The following IRF2 variants were observed in gnomAD, a reference collection of about 807,000 sequenced individuals.
The protein encoded by IRF2 is interferon regulatory factor 2.
Under a neutral mutation model 40.6 loss-of-function variants are expected in IRF2, and 15 were observed. The observed-to-expected ratio is 0.37, with a 90% CI of 0.25 to 0.57. The LOEUF (loss-of-function observed/expected upper bound fraction) is 0.57, where lower values mean the gene tolerates loss of function less well. Ranked by LOEUF, IRF2 falls within the 20% of genes least tolerant of loss-of-function variation. The pLI is 0.77. For missense variants in IRF2, 317 were observed against 455.7 expected (o/e 0.70, Z 2.77); for synonymous variants, 151 against 165.5 (o/e 0.91, Z 0.67).
intron 5 of IRF2, among the ~76,000 whole-genome samples, chr4:184,411,091 A>T (rs1044412886): frequency 6.9e-6 from 1 of 145,956 alleles, no homozygotes; most frequent in African/African-American, 2.6e-5. Context: ...GGGGTGTCAC[A>T]CTATCACCCA....
At chr4:184,426,383 C>T (rs12499577) in intron 2 of IRF2, among the ~76,000 whole-genome samples, 100,487 of 152,006 alleles carry the variant, frequency 0.66, 33,412 homozygotes, top group South Asian at 0.7. Flanking sequence ...CCCTCGGCTG[C>T]GGCTGCCTAT....
chr4:184,460,689 A>G lies in IRF2; in HGVS notation c.-7+13690T>C, dbSNP rs561809618. On this transcript the variant is annotated intron_variant, in intron 1 of 8. Transcript: ENST00000393593. ...CGCACACACACACACATGCACGCAC[A>G]CACACACATGCACACGCACACACAC... is the stretch of plus-strand genomic sequence containing the variant. Among the ~76,000 whole-genome samples the G allele has an allele frequency of 5.9e-5, 9 of 152,000 alleles. No individual in the cohort carries two copies. The East Asian group carries it at 1.5e-3, about 26-fold the overall frequency.
chr4:184,421,432 T>G (rs1737479012), intron 2 of IRF2, among the ~76,000 whole-genome samples: 1 of 152,166 alleles, frequency 6.6e-6, no homozygotes, highest in African/African-American at 2.4e-5. Context: ...CTGAGTGACA[T>G]TTTATGCTTT....
In IRF2 at chr4:184,431,077, G is replaced by A. The variant is rs374668806; in HGVS notation, c.-6-2007C>T. On this transcript the variant is annotated intron_variant, in intron 1 of 8. Coordinates refer to ENST00000393593, the MANE Select transcript of IRF2 (RefSeq NM_002199.4). ...AACACTCACTGCCAGGCCCAGGCCA[G>A]CTCTGAAGACGGCTCTGAGGGCCTA... Among the ~76,000 whole-genome samples, 12 of 152,346 alleles carry A rather than the reference G, an allele frequency of 7.9e-5. No individual in the cohort carries two copies. In the South Asian group the frequency reaches 1.0e-3, roughly 13 times the overall value.
rs76712518 is a variant in IRF2, at chr4:184,438,521, A to G, written c.-6-9451T>C. ...CCTGGGGTTGAAGGGGTATAAAAAC[A>G]TTGCACTAGGCTGGACTGCCTCCCG... On this transcript the variant is annotated intron_variant, in intron 1 of 8. Coordinates refer to ENST00000393593, the MANE Select transcript of IRF2 (RefSeq NM_002199.4). Among the ~76,000 whole-genome samples the G allele has an allele frequency of 6.7e-3, 1,022 of 152,238 alleles. 29 individuals carry two copies. In the East Asian group the frequency reaches 0.09, roughly 13 times the overall value.
At chr4:184,432,408 A>G (rs559532031) in intron 1 of IRF2, among the ~76,000 whole-genome samples, 15 of 152,244 alleles carry the variant, frequency 9.9e-5, no homozygotes, top group African/African-American at 3.4e-4. Context: ...TTTTTTGGTG[A>G]CTTTGCTGTT....
Position 184,466,128 on chromosome 4 carries a change from G to A in IRF2, c.-7+8251C>T, listed in dbSNP as rs997041965. 2.7e-5 allele frequency among the ~76,000 whole-genome samples: 4 copies of A among 148,724 alleles called. No individual in the cohort carries two copies. The South Asian group carries it at 8.5e-4, about 32-fold the overall frequency. Reference sequence around the variant, plus strand: ...CAAGCTGGTGCGATCTCGGCTCACTGCAACCTCCGCCGCCTGGGTTCAAGC... The same window carrying A: ...CAAGCTGGTGCGATCTCGGCTCACTACAACCTCCGCCGCCTGGGTTCAAGC... On this transcript the variant is annotated intron_variant, in intron 1 of 8. Coordinates refer to ENST00000393593, the MANE Select transcript of IRF2 (RefSeq NM_002199.4).
At chr4:184,404,478 G>A (rs1015217452) in intron 6 of IRF2, among the ~76,000 whole-genome samples, 3 of 152,124 alleles carry the variant, frequency 2.0e-5, no homozygotes, top group Non-Finnish European at 4.4e-5. Flanking sequence ...ATAACTCTGC[G>A]AGATGGGCAG....
rs1038657763 is a variant in IRF2 at position 184,463,661 on chromosome 4, T to A, written c.-7+10718A>T. On this transcript the variant is annotated intron_variant, in intron 1 of 8. Coordinates refer to ENST00000393593, the MANE Select transcript of IRF2 (RefSeq NM_002199.4). ...ACAATATCGTGCATATATATATATT[T>A]TTTTTTTGATGGGCTGTGGTACGGC... is the stretch of plus-strand genomic sequence containing the variant. Among the ~76,000 whole-genome samples the A allele has an allele frequency of 1.1e-3, 158 of 147,534 alleles. 3 individuals carry two copies. Among genetic ancestry groups the A allele is most frequent in the South Asian group, 3.1e-3 (14 of 4,556 alleles).
rs946670656 is a variant in IRF2, at chr4:184,413,591, C to G, written c.411+4576G>C. Reference sequence around the variant, plus strand: ...GAGCCAACAGCTCTATGAGAAAGAGCAGCCGAACCCCTATCTGCTTTTCTG... The same window carrying G: ...GAGCCAACAGCTCTATGAGAAAGAGGAGCCGAACCCCTATCTGCTTTTCTG... On this transcript the variant is annotated intron_variant, in intron 5 of 8. Coordinates refer to ENST00000393593, the MANE Select transcript of IRF2 (RefSeq NM_002199.4). The surrounding 1 kb of genome is among the most constrained non-coding windows in gnomAD (Gnocchi z 4.2). Among the ~76,000 whole-genome samples the G allele has an allele frequency of 6.6e-6, 1 of 152,210 alleles. No homozygotes were observed. Among genetic ancestry groups the G allele is most frequent in the Non-Finnish European group, 1.5e-5 (1 of 68,028 alleles).
intron 2 of IRF2, among the ~76,000 whole-genome samples, chr4:184,427,933 C>T (rs1310770439): frequency 6.6e-6 from 1 of 152,168 alleles, no homozygotes; most frequent in Non-Finnish European, 1.5e-5. Flanking sequence ...AAGGCATTGA[C>T]TCAGAACTGT....
intron 6 of IRF2, chr4:184,407,195 C>A (rs72701797): frequency 4.7e-6 from 6 of 1,289,400 alleles, no homozygotes; most frequent in East Asian, 5.5e-5. Flanking sequence ...AAGAGGCCAG[C>A]GGAGGCCTGT....
In IRF2 at chr4:184,418,214, C is replaced by G. The variant is rs766469460; in HGVS notation, c.365-1G>C. On this transcript the variant is annotated splice_acceptor_variant, in intron 4 of 8. Coordinates refer to ENST00000393593, the MANE Select transcript of IRF2 (RefSeq NM_002199.4). LOFTEE classifies it high-confidence loss of function. ...TCTTTTTCTGTCTTTGGTTTCTTTC[C>G]TGTGGCAACAAAAATGTAGTTTTGG... 6.2e-7 allele frequency: 1 copy of G among 1,612,196 alleles called. No individual in the cohort carries two copies. Among genetic ancestry groups the G allele is most frequent in the Non-Finnish European group, 8.5e-7 (1 of 1,178,238 alleles).
At chr4:184,403,596 G>A (rs924172363) in intron 6 of IRF2, among the ~76,000 whole-genome samples, 1 of 151,280 alleles carries the variant, frequency 6.6e-6, no homozygotes, top group African/African-American at 2.4e-5. Context: ...TTCAAGGTCA[G>A]ACAGACAATC....
chr4:184,449,276 C>T (rs1434332131), intron 1 of IRF2, among the ~76,000 whole-genome samples: 2 of 152,202 alleles, frequency 1.3e-5, no homozygotes, highest in African/African-American at 4.8e-5. Flanking sequence ...CAAGTCTCTG[C>T]GTCTGTCACC....
At chr4:184,425,578 G>A (rs1052640853) in intron 2 of IRF2, among the ~76,000 whole-genome samples, 3 of 152,264 alleles carry the variant, frequency 2.0e-5, no homozygotes, top group African/African-American at 7.2e-5. Context: ...TCCTTCATCA[G>A]CCTGGCTCAG....
chr4:184,441,455 C>T (rs1029291962), intron 1 of IRF2, among the ~76,000 whole-genome samples: 7 of 152,124 alleles, frequency 4.6e-5, no homozygotes, highest in African/African-American at 1.7e-4. Context: ...CTCGTGACAC[C>T]CCTGTAATGT....
chr4:184,462,666 A>G (rs1156686685), intron 1 of IRF2, among the ~76,000 whole-genome samples: 2 of 152,228 alleles, frequency 1.3e-5, no homozygotes, highest in East Asian at 1.9e-4. Flanking sequence ...TTAAACATCA[A>G]AAGAAGAAAC....
At chr4:184,429,941 T>C (rs1203605702) in intron 1 of IRF2, among the ~76,000 whole-genome samples, 1 of 152,182 alleles carries the variant, frequency 6.6e-6, no homozygotes, top group Admixed American at 6.5e-5. Flanking sequence ...CCCACTCATC[T>C]TCACCCTATC....
Sources: gnomAD v4.1 joint callset for allele counts (sites outside exome capture counted in the v4.1 genomes callset) on GRCh38, gnomAD v4.1.1 for gene constraint, Gnocchi (gnomAD v3.1) non-coding constraint, MANE v1.5 for transcripts, NCBI Gene and HGNC (gene_info 2026-07-23, HGNC 2026-07-21) for gene names.